PTPN13: variants seen among roughly 807,000 people sequenced by gnomAD.
PTPN13 encodes the protein tyrosine-protein phosphatase non-receptor type 13.
A neutral mutation model predicts 284.0 loss-of-function variants in PTPN13; 191 were observed. The observed-to-expected ratio is 0.67, with a 90% CI of 0.60 to 0.76. The LOEUF is 0.76. PTPN13 is among the 30% of genes least tolerant of loss of function. The pLI, the probability that PTPN13 is intolerant of heterozygous loss-of-function variation, is 0.00. For synonymous variants in PTPN13, 986 were observed against 1,022.3 expected, an observed-to-expected ratio of 0.96 and a Z score of 0.68; for missense variants, 2,797 against 2,939.9, an observed-to-expected ratio of 0.95 and a Z score of 1.12.
At chr4:86,642,711 T>A (rs1464777824) in intron 2 of PTPN13, among the ~76,000 whole-genome samples, 1 of 152,068 alleles carries the variant, frequency 6.6e-6, no homozygotes, top group East Asian at 1.9e-4. Context: ...CACCTCGGCC[T>A]CTCAAAGTGC....
intron 23 of PTPN13, among the ~76,000 whole-genome samples, chr4:86,760,084 A>G (rs899299029): frequency 2.6e-5 from 4 of 152,172 alleles, no homozygotes; most frequent in Non-Finnish European, 5.9e-5. Flanking sequence ...TATATAGATG[A>G]GTCATTTTGA....
chr4:86,735,957 T>G (rs1489764002), intron 15 of PTPN13, among the ~76,000 whole-genome samples: 1 of 152,168 alleles, frequency 6.6e-6, no homozygotes, highest in African/African-American at 2.4e-5. Flanking sequence ...CCCAGAGATA[T>G]GGGGCAGATA....
At chr4:86,752,074 G>A (rs1737455584) in intron 19 of PTPN13, among the ~76,000 whole-genome samples, 1 of 152,118 alleles carries the variant, frequency 6.6e-6, no homozygotes, top group East Asian at 1.9e-4. Flanking sequence ...GAAACGCACT[G>A]GAGTCGATCT....
intron 7 of PTPN13, among the ~76,000 whole-genome samples, chr4:86,712,611 T>C (rs1056592588): frequency 3.3e-5 from 5 of 152,024 alleles, no homozygotes; most frequent in Non-Finnish European, 5.9e-5. Context: ...AAGAAAAAAG[T>C]CTTTCTACCC....
chr4:86,725,177 A>G (rs1053792575), intron 10 of PTPN13, among the ~76,000 whole-genome samples: 3 of 151,130 alleles, frequency 2.0e-5, no homozygotes, highest in African/African-American at 7.3e-5. Flanking sequence ...ATAGTATTCC[A>G]TGGTGTATAT....
intron 39 of PTPN13, among the ~76,000 whole-genome samples, 153 bp downstream of exon 39, chr4:86,785,521 A>C (rs13108571): frequency 0.1 from 15,140 of 151,790 alleles, 874 homozygotes; most frequent in Non-Finnish European, 0.11. Flanking sequence ...GTTATCTCCT[A>C]TTTTTTTTAT....
chr4:86,677,906 G>A (rs560898956), intron 3 of PTPN13, among the ~76,000 whole-genome samples: 15 of 152,232 alleles, frequency 9.9e-5, no homozygotes, highest in African/African-American at 3.6e-4. Flanking sequence ...AGCCCCATGA[G>A]AGAGTACTTA....
intron 2 of PTPN13, among the ~76,000 whole-genome samples, chr4:86,648,104 T>C (rs111234784): frequency 0.047 from 7,085 of 152,222 alleles, 222 homozygotes; most frequent in African/African-American, 0.061. Context: ...TTAATTATGC[T>C]TACATACTAG....
Position 86,789,335 on chromosome 4 carries a change from T to G in PTPN13, c.6345+3399T>G, listed in dbSNP as rs930841933. On this transcript the variant is annotated intron_variant, in intron 40 of 47. Coordinates refer to ENST00000411767, the MANE Select transcript of PTPN13 (RefSeq NM_080683.3). The stretch of plus-strand genomic sequence containing the variant: ...TTAAGCAAAAACAAGGCAAAAACTT[T>G]TAGTGACTCTCCATCACCTGAGGAT... Among the ~76,000 whole-genome samples, 3 of 152,174 alleles carry G rather than the reference T, an allele frequency of 2.0e-5. No individual in the cohort carries two copies. The South Asian group carries it at 6.2e-4, about 31-fold the overall frequency.
intron 45 of PTPN13, among the ~76,000 whole-genome samples, chr4:86,808,573 A>C (rs1462132916): frequency 6.6e-6 from 1 of 152,190 alleles, no homozygotes; most frequent in African/African-American, 2.4e-5. Context: ...AAAGCATATC[A>C]ATTCAGTTCT....
At chr4:86,627,545 G>C (rs980171419) in intron 1 of PTPN13, among the ~76,000 whole-genome samples, 5 of 151,356 alleles carry the variant, frequency 3.3e-5, no homozygotes, top group Non-Finnish European at 7.4e-5. Flanking sequence ...ATTGAGGCAT[G>C]TTTGACATAT....
intron 40 of PTPN13, among the ~76,000 whole-genome samples, chr4:86,792,434 T>C (rs1742797445): frequency 1.3e-5 from 2 of 152,178 alleles, no homozygotes; most frequent in South Asian, 4.1e-4. Flanking sequence ...AAAACACTCT[T>C]CAGGATATTA....
rs1333355931 is a variant in PTPN13, at chr4:86,722,428, A to G, written c.1602A>G (p.Lys534=). ...IALETAMTQR[K]LRNFFGPEFV... ...TAGAAACAGCCATGACTCAAAGAAAACTGAGGGTAAGTTGATTCTCAGGTT... is the reference window on the plus strand; with the variant it reads ...TAGAAACAGCCATGACTCAAAGAAAGCTGAGGGTAAGTTGATTCTCAGGTT... Residue 534 remains lysine, a synonymous_variant, in exon 10 of 48, where the codon AAA becomes AAG. Transcript: ENST00000411767. The G allele has an allele frequency of 6.2e-7, 1 of 1,610,436 alleles. No homozygotes were observed. Among genetic ancestry groups the G allele is most frequent in the Non-Finnish European group, 8.5e-7 (1 of 1,176,952 alleles).
chr4:86,636,441 C>G (rs1447775922), intron 2 of PTPN13, among the ~76,000 whole-genome samples: 1 of 152,066 alleles, frequency 6.6e-6, no homozygotes, highest in Non-Finnish European at 1.5e-5. Context: ...GTGAAAAAAC[C>G]AAGCGTCATC....
chr4:86,808,823 A>C (rs1376572768), intron 45 of PTPN13, among the ~76,000 whole-genome samples: 1 of 152,220 alleles, frequency 6.6e-6, no homozygotes, highest in Non-Finnish European at 1.5e-5. Context: ...TCTGAAGAGG[A>C]AATACCAGTA....
intron 6 of PTPN13, 26 bp from the exon 7 acceptor site, chr4:86,701,215 T>C (rs1731115131): frequency 6.8e-7 from 1 of 1,478,092 alleles, no homozygotes; most frequent in Non-Finnish European, 9.1e-7. Flanking sequence ...ATTGTGTGCA[T>C]ACATGATAGA....
At chr4:86,631,848 AT>A (rs1382239743) in intron 1 of PTPN13, among the ~76,000 whole-genome samples, 7 of 152,122 alleles carry the variant, frequency 4.6e-5, no homozygotes, top group African/African-American at 1.7e-4. Flanking sequence ...GAATAATTAT[AT>A]TTTAAAACCC....
At chr4:86,744,097 C>T (rs1736458318) in intron 16 of PTPN13, among the ~76,000 whole-genome samples, 1 of 152,086 alleles carries the variant, frequency 6.6e-6, no homozygotes, top group South Asian at 2.1e-4. Context: ...GATGATTCTC[C>T]TACTTTCTCT....
At position 86,666,295 on chromosome 4, in the gene PTPN13, G is replaced by A. The variant is rs151338871; in HGVS notation, c.116-6070G>A. ...GCGTCATTGTCTGGGGTAAATACCC[G>A]AGGTTCGTAGACTTGCATTAAGGAC... On this transcript the variant is annotated intron_variant, in intron 2 of 47. Coordinates refer to ENST00000411767, the MANE Select transcript of PTPN13 (RefSeq NM_080683.3). Among the ~76,000 whole-genome samples, 511 of 81,730 alleles carry A rather than the reference G, an allele frequency of 6.3e-3. 1 individual carries two copies. Among genetic ancestry groups the A allele is most frequent in the African/African-American group, 0.024 (492 of 20,580 alleles). The allele number at this position is 81,730 out of a possible 152,430, so 53.6% of individuals were successfully genotyped here.
Sources: allele counts gnomAD v4.1 joint callset (sites outside exome capture counted in the v4.1 genomes callset), GRCh38; gene constraint gnomAD v4.1.1; transcripts MANE v1.5; gene names NCBI Gene and HGNC (gene_info 2026-07-23, HGNC 2026-07-21).